TINAG: variants seen among roughly 807,000 people sequenced by gnomAD.
The protein encoded by TINAG is tubulointerstitial nephritis antigen.
A neutral mutation model predicts 72.7 loss-of-function variants in TINAG; 83 were observed. The ratio of observed to expected loss-of-function variants is 1.14; its 90% CI spans 0.96 to 1.37. The LOEUF (loss-of-function observed/expected upper bound fraction) is 1.37, where lower values mean the gene tolerates loss of function less well. Among genes scored for constraint, TINAG ranks in the 40% most tolerant of loss-of-function variants. The pLI is 0.00. For missense variants in TINAG, 685 were observed against 576.6 expected, an observed-to-expected ratio of 1.19 and a Z score of -1.93; for synonymous variants, 234 against 189.9, an observed-to-expected ratio of 1.23 and a Z score of -1.91.
intron 4 of TINAG, 178 bp downstream of exon 4, chr6:54,327,094 T>A: frequency 6.5e-7 from 1 of 1,542,268 alleles, no homozygotes; most frequent in Non-Finnish European, 8.8e-7. Context: ...AAGTTTCATA[T>A]GAGATTTGCA....
chr6:54,321,587 C>A (rs1175013740), intron 3 of TINAG, among the ~76,000 whole-genome samples: 1 of 152,134 alleles, frequency 6.6e-6, no homozygotes, highest in Non-Finnish European at 1.5e-5. Flanking sequence ...AAATCTACAG[C>A]ATAGCTGTAA....
intron 9 of TINAG, among the ~76,000 whole-genome samples, chr6:54,375,078 T>C (rs1364217686): frequency 6.6e-6 from 1 of 152,130 alleles, no homozygotes; most frequent in Non-Finnish European, 1.5e-5. Flanking sequence ...CAGTGTAATA[T>C]ACCTACCATC....
intron 1 of TINAG, among the ~76,000 whole-genome samples, chr6:54,310,639 C>T (rs1404158893): frequency 2.1e-5 from 3 of 143,354 alleles, no homozygotes; most frequent in Non-Finnish European, 4.5e-5. Context: ...TTCCTTCCTC[C>T]CTCTCTTTCT....
intron 4 of TINAG, 79 bp downstream of exon 4, chr6:54,326,995 T>C: frequency 6.3e-7 from 1 of 1,586,408 alleles, no homozygotes; most frequent in South Asian, 1.2e-5. Flanking sequence ...CAATTATAAA[T>C]CACTAAAATA....
chr6:54,324,905 C>T (rs1173930566), intron 3 of TINAG, among the ~76,000 whole-genome samples: 1 of 152,126 alleles, frequency 6.6e-6, no homozygotes, highest in Non-Finnish European at 1.5e-5. Flanking sequence ...TAAGTATTGT[C>T]CTTAGCATAA....
At chr6:54,353,185 G>A (rs1239984761) in intron 8 of TINAG, among the ~76,000 whole-genome samples, 1 of 151,702 alleles carries the variant, frequency 6.6e-6, no homozygotes, top group Non-Finnish European at 1.5e-5. Flanking sequence ...TTTTTCTTAG[G>A]TGGCAGTGTT....
At chr6:54,381,969 C>A (rs2073163350) in intron 10 of TINAG, among the ~76,000 whole-genome samples, 3 of 151,950 alleles carry the variant, frequency 2.0e-5, no homozygotes, top group Non-Finnish European at 4.4e-5. Flanking sequence ...TCATTCCCAC[C>A]CTAGATCCCT....
At chr6:54,380,463 T>C in intron 9 of TINAG, 63 bp from the exon 10 acceptor site, 1 of 1,386,684 alleles carries the variant, frequency 7.2e-7, no homozygotes, top group Non-Finnish European at 1.0e-6. Context: ...TAATCTGCAT[T>C]CTCTCAAGAA....
chr6:54,323,020 A>G (rs1784527099), intron 3 of TINAG, among the ~76,000 whole-genome samples: 1 of 152,242 alleles, frequency 6.6e-6, no homozygotes, highest in African/African-American at 2.4e-5. Flanking sequence ...TTAGGAGCAC[A>G]GAGGTTGTTG....
intron 9 of TINAG, among the ~76,000 whole-genome samples, chr6:54,363,193 T>C (rs10948814): frequency 0.17 from 25,368 of 151,564 alleles, 2,267 homozygotes; most frequent in Non-Finnish European, 0.19. Flanking sequence ...ACTTGTAGAC[T>C]ATATCACAGA....
chr6:54,386,358 A>C (rs6919229), intron 10 of TINAG, among the ~76,000 whole-genome samples: 67,016 of 152,054 alleles, frequency 0.44, 15,594 homozygotes, highest in Middle Eastern at 0.56. Context: ...TCCTCTGCTC[A>C]TGATCTCACA....
chr6:54,385,302 A>T (rs1164229613), intron 10 of TINAG, among the ~76,000 whole-genome samples: 1 of 152,114 alleles, frequency 6.6e-6, no homozygotes, highest in African/African-American at 2.4e-5. Context: ...CATAGAAATG[A>T]AAAAAGAGAA....
chr6:54,311,229 A>G (rs909065686), intron 1 of TINAG, among the ~76,000 whole-genome samples: 13 of 152,126 alleles, frequency 8.5e-5, no homozygotes, highest in East Asian at 1.9e-4. Flanking sequence ...GTGGACTAGT[A>G]TGACTAGTCT....
chr6:54,314,531 G>A (rs1784328681), intron 1 of TINAG, among the ~76,000 whole-genome samples: 1 of 151,910 alleles, frequency 6.6e-6, no homozygotes, highest in Non-Finnish European at 1.5e-5. Context: ...CTATGAATGG[G>A]GTTCTGTTAC....
intron 4 of TINAG, among the ~76,000 whole-genome samples, chr6:54,342,786 C>T (rs989296297): frequency 8.5e-5 from 13 of 152,144 alleles, no homozygotes; most frequent in African/African-American, 2.9e-4. Flanking sequence ...ACATATAATA[C>T]ATAATTGTCA....
intron 5 of TINAG, among the ~76,000 whole-genome samples, chr6:54,344,324 T>C (rs1435270966): frequency 6.6e-6 from 1 of 152,126 alleles, no homozygotes; most frequent in Non-Finnish European, 1.5e-5. Context: ...ATCATAATGG[T>C]AGCCAAACTC....
rs188140463 is a variant in TINAG, at chr6:54,313,720, A to G, written c.355+4815A>G. On this transcript the variant is annotated intron_variant, in intron 1 of 10. Coordinates refer to ENST00000259782, the MANE Select transcript of TINAG (RefSeq NM_014464.4). ...GATTAATTGATATTTAGAGGATTTA[A>G]ATTTTATTTCAAATTTTGTATTTGT... is the stretch of plus-strand genomic sequence containing the variant. Among the ~76,000 whole-genome samples the G allele has an allele frequency of 2.6e-3, 399 of 152,242 alleles. 5 individuals are homozygous for G. Among genetic ancestry groups the G allele is most frequent in the African/African-American group, 9.0e-3 (374 of 41,560 alleles).
At chr6:54,309,645 G>C (rs1197286414) in intron 1 of TINAG, among the ~76,000 whole-genome samples, 1 of 152,004 alleles carries the variant, frequency 6.6e-6, no homozygotes, top group Non-Finnish European at 1.5e-5. Context: ...GCATAGATGA[G>C]GCTTTATTTT....
chr6:54,387,964 A>G (rs1764145204), intron 10 of TINAG, among the ~76,000 whole-genome samples: 1 of 152,120 alleles, frequency 6.6e-6, no homozygotes, highest in South Asian at 2.1e-4. Flanking sequence ...TTTCTTGCAA[A>G]CATATGATTA....
Sources: gnomAD v4.1 joint callset for allele counts (sites outside exome capture counted in the v4.1 genomes callset) on GRCh38, gnomAD v4.1.1 for gene constraint, MANE v1.5 for transcripts, NCBI Gene and HGNC (gene_info 2026-07-23, HGNC 2026-07-21) for gene names.